HNF1B: variants seen among roughly 807,000 people sequenced by gnomAD.
HNF1B encodes the protein hepatocyte nuclear factor 1-beta.
HNF1B carries 8 observed loss-of-function variants against 61.7 expected under a neutral mutation model. The ratio of observed to expected loss-of-function variants is 0.13; its 90% CI spans 0.08 to 0.23. HNF1B has a LOEUF of 0.23. Ranked by LOEUF, HNF1B falls within the 10% of genes least tolerant of loss-of-function variation. The pLI is 1.00. For synonymous variants in HNF1B, 314 were observed against 287.7 expected, an observed-to-expected ratio of 1.09 and a Z score of -0.93; for missense variants, 562 against 714.5, an observed-to-expected ratio of 0.79 and a Z score of 2.43.
chr17:37,736,013 C>A (rs2147561298), intron 2 of HNF1B, among the ~76,000 whole-genome samples: 1 of 152,382 alleles, frequency 6.6e-6, no homozygotes. Flanking sequence ...AGTCTTCCCG[C>A]CACCTCAGCC....
chr17:37,726,229 A>G (rs764856679), intron 4 of HNF1B, among the ~76,000 whole-genome samples: 2 of 152,200 alleles, frequency 1.3e-5, no homozygotes, highest in Non-Finnish European at 2.9e-5. Context: ...AAGCAAAAAG[A>G]GATGGACAGT....
At chr17:37,710,731 C>T in intron 4 of HNF1B, 68 bp from the exon 5 acceptor site, 1 of 1,502,388 alleles carries the variant, frequency 6.7e-7, no homozygotes, top group Non-Finnish European at 9.1e-7. Context: ...TGACTCGGCA[C>T]CTCTTGTTTT....
At chr17:37,700,889 A>G in intron 7 of HNF1B, 94 bp downstream of exon 7, 4 of 1,202,774 alleles carry the variant, frequency 3.3e-6, no homozygotes, top group Non-Finnish European at 4.8e-6. Context: ...GACCAAGCCA[A>G]TAAACTTCCG....
intron 7 of HNF1B, among the ~76,000 whole-genome samples, chr17:37,700,544 G>C (rs2032530117): frequency 6.6e-6 from 1 of 152,242 alleles, no homozygotes; most frequent in Non-Finnish European, 1.5e-5. Context: ...TTTAGGGAAG[G>C]CAAACAGGAT....
At chr17:37,709,568 T>C (rs879872335) in intron 5 of HNF1B, among the ~76,000 whole-genome samples, 1 of 152,216 alleles carries the variant, frequency 6.6e-6, no homozygotes, top group Non-Finnish European at 1.5e-5. Context: ...GAATCTAGTT[T>C]GATGTAGAAA....
chr17:37,704,154 C>T (rs2032662656), intron 6 of HNF1B, among the ~76,000 whole-genome samples: 1 of 152,238 alleles, frequency 6.6e-6, no homozygotes, highest in South Asian at 2.1e-4. Context: ...AACATTAAAA[C>T]TCTCAAAGAG....
intron 4 of HNF1B, chr17:37,721,030 T>C (rs1490078902): frequency 3.5e-6 from 3 of 852,856 alleles, no homozygotes; most frequent in Non-Finnish European, 4.2e-6. Context: ...TTTCCACTCT[T>C]GCTGAACAAG....
intron 4 of HNF1B, among the ~76,000 whole-genome samples, chr17:37,720,352 G>C (rs2033268734): frequency 6.6e-6 from 1 of 152,124 alleles, no homozygotes; most frequent in Admixed American, 6.5e-5. Flanking sequence ...TTTACTAGTA[G>C]AACATTAGGG....
Position 37,701,114 on chromosome 17 carries a change from G to T in HNF1B, c.1403C>A (p.Ala468Asp). The T allele has an allele frequency of 1.3e-6, 2 of 1,552,376 alleles. 1 individual carries two copies. The highest frequency in any genetic ancestry group is 2.4e-5 in the South Asian group (2 of 84,126). ...CTGGGAGAACTGGACGGGCTGCAGG[G>T]CTGCCAGGCTGCCGGCCACACTGTT... ...VINSVAGSLA[A>D]LQPVQFSQQL... Residue 468 changes from alanine to aspartate, a missense_variant, in exon 7 of 9, where the codon GCC becomes GAC. This residue lies in a region of HNF1B where 211 missense variants were observed against 200.7 expected (regional missense o/e 1.05). Coordinates refer to ENST00000617811, the MANE Select transcript of HNF1B (RefSeq NM_000458.4).
intron 4 of HNF1B, among the ~76,000 whole-genome samples, chr17:37,713,382 G>A (rs983335929): frequency 6.6e-6 from 1 of 152,182 alleles, no homozygotes; most frequent in Non-Finnish European, 1.5e-5. Flanking sequence ...AAGGATTTCC[G>A]CAGGAAACAA....
intron 3 of HNF1B, 72 bp from the exon 4 acceptor site, chr17:37,731,902 C>T: frequency 1.0e-6 from 1 of 996,900 alleles, no homozygotes. Context: ...GCCAAAAACA[C>T]ACAATCACAG....
Position 37,733,748 on chromosome 17 carries a change from A to C in HNF1B, c.618T>G (p.Phe206Leu). The part of the protein sequence containing the change: ...KSSQDQLLFL[F>L]PEFSQQSHGP... ...CATGGCTCTGTTGACTGAACTCTGG[A>C]AAGAGAAACAGCAGCTGATCCTGAC... Residue 206 changes from phenylalanine (F) to leucine (L), a missense_variant, in exon 3 of 9, where the codon TTT becomes TTG. Physicochemically the swap from Phe to Leu is conservative, Grantham distance 22 (BLOSUM62 0). Coordinates refer to ENST00000617811, the MANE Select transcript of HNF1B (RefSeq NM_000458.4). The C allele has an allele frequency of 6.2e-7, 1 of 1,614,218 alleles. No homozygotes were observed. The highest frequency in any genetic ancestry group is 1.1e-5 in the South Asian group (1 of 91,084).
chr17:37,704,141 A>C (rs901902942), intron 6 of HNF1B, among the ~76,000 whole-genome samples: 2 of 152,220 alleles, frequency 1.3e-5, no homozygotes, highest in Non-Finnish European at 2.9e-5. Context: ...CTGAATACTC[A>C]TCAACATTAA....
Position 37,687,096 on chromosome 17 carries a change from G to A in HNF1B, c.*276C>T, listed in dbSNP as rs113068214. The A allele has an allele frequency of 6.5e-6, 4 of 614,992 alleles. No homozygotes were observed. Among genetic ancestry groups the A allele is most frequent in the East Asian group, 2.7e-5 (1 of 36,364 alleles). The allele number at this position is 614,992 out of a possible 1,614,324, so 38.1% of individuals were successfully genotyped here. On this transcript the variant is annotated 3_prime_UTR_variant, in exon 9 of 9. Coordinates refer to ENST00000617811, the MANE Select transcript of HNF1B (RefSeq NM_000458.4). Reference sequence around the variant, plus strand: ...AGTACGGCTTTCTTGCTTCCTCTTCGGAGGTTCCTTGTCTCCCACCTCCAG... The same window carrying A: ...AGTACGGCTTTCTTGCTTCCTCTTCAGAGGTTCCTTGTCTCCCACCTCCAG...
At chr17:37,737,529 T>C (rs905021672) in intron 2 of HNF1B, among the ~76,000 whole-genome samples, 13 of 152,158 alleles carry the variant, frequency 8.5e-5, no homozygotes, top group African/African-American at 3.1e-4. Context: ...CTCGTGTGAC[T>C]TTAAAACAAA....
At chr17:37,732,824 C>T (rs1251963447) in intron 3 of HNF1B, among the ~76,000 whole-genome samples, 1 of 150,536 alleles carries the variant, frequency 6.6e-6, no homozygotes, top group Non-Finnish European at 1.5e-5. Context: ...CTTAAAATAA[C>T]ACAGAGTTGT....
intron 8 of HNF1B, among the ~76,000 whole-genome samples, chr17:37,695,225 A>G (rs4795213): frequency 0.62 from 93,852 of 152,144 alleles, 30,398 homozygotes; most frequent in African/African-American, 0.83. Flanking sequence ...TGGCTCAAAG[A>G]GCCCCAGGTA....
intron 4 of HNF1B, among the ~76,000 whole-genome samples, chr17:37,713,121 C>T (rs565329819): frequency 3.9e-5 from 6 of 152,162 alleles, no homozygotes; most frequent in Non-Finnish European, 7.3e-5. Context: ...CTCTGACTCC[C>T]TAACCAGCTA....
Position 37,687,539 on chromosome 17 carries a change from TC to T in HNF1B, c.1654-148del. The stretch of plus-strand genomic sequence containing the variant: ...GCTGGGGGCCTCGTGTCTGCTCAGT[TC>T]TGCAGTTTTCATGCTGAGGCACACT... On this transcript the variant is annotated intron_variant, in intron 8 of 8. Transcript: ENST00000617811. 4 of 717,320 alleles carry T rather than the reference TC, an allele frequency of 5.6e-6. No homozygotes were observed. In the East Asian group the frequency reaches 1.1e-4, roughly 19 times the overall value. 44.4% of individuals were successfully genotyped at this position (717,320 alleles called of 1,614,324 possible).
Sources: gnomAD v4.1 joint callset for allele counts (sites outside exome capture counted in the v4.1 genomes callset) on GRCh38, gnomAD v4.1.1 for gene constraint, gnomAD v4.1.1 regional missense constraint, MANE v1.5 for transcripts, NCBI Gene and HGNC (gene_info 2026-07-23, HGNC 2026-07-21) for gene names.